The following PRR5 variants were observed in gnomAD, a reference collection of about 807,000 sequenced individuals.
PRR5 encodes the protein proline rich 5.
A neutral mutation model predicts 30.6 loss-of-function variants in PRR5; 25 were observed. The observed-to-expected ratio is 0.82, with a 90% CI of 0.60 to 1.14. The LOEUF is 1.14. Among genes scored for constraint, PRR5 ranks in the 50% most tolerant of loss-of-function variants. The pLI is 0.00. For synonymous variants in PRR5, 286 were observed against 247.1 expected (o/e 1.16, Z -1.48); for missense variants, 600 against 547.1 (o/e 1.10, Z -0.96).
intron 1 of PRR5, among the ~76,000 whole-genome samples, chr22:44,704,617 A>G (rs1926894994): frequency 6.6e-6 from 1 of 151,802 alleles, no homozygotes; most frequent in Admixed American, 6.6e-5. Flanking sequence ...GGGCACGGCC[A>G]TTTCCTGCAC....
intron 1 of PRR5, chr22:44,679,910 A>C (rs188947780): frequency 0.012 from 19,007 of 1,556,478 alleles, 134 homozygotes; most frequent in Non-Finnish European, 0.013. Flanking sequence ...AAGGGTGGCT[A>C]CGAGGGAGGC....
rs759768271 is a variant in PRR5, at chr22:44,737,145, C to G, written c.1065C>G (p.Ser355=). The G allele has an allele frequency of 5.0e-6, 8 of 1,612,696 alleles. No homozygotes were observed. Among genetic ancestry groups the G allele is most frequent in the Admixed American group, 1.7e-5 (1 of 60,030 alleles). ...PENLVDQILE[S]VDSDSEGIFI... ...ACCTGGTGGACCAGATCCTGGAGTC[C>G]GTGGACTCGGATTCTGAAGGGATTT... is the stretch of plus-strand genomic sequence containing the variant. The change falls in exon 8 of 8, where the codon TCC becomes TCG. Residue 355 remains serine (S), a synonymous_variant. Transcript: ENST00000336985.
chr22:44,678,385 C>T (rs1923961623), intron 1 of PRR5, among the ~76,000 whole-genome samples: 1 of 148,432 alleles, frequency 6.7e-6, no homozygotes, highest in Non-Finnish European at 1.5e-5. Context: ...TGCGATGGCG[C>T]AATCTCGGCT....
chr22:44,726,770 A>G lies in PRR5; in HGVS notation c.322+136A>G. 4 of 1,354,242 alleles carry G rather than the reference A, an allele frequency of 3.0e-6. No homozygotes were observed. The African/African-American group carries it at 5.8e-5, about 20-fold the overall frequency. 83.9% of individuals were successfully genotyped at this position (1,354,242 alleles called of 1,614,324 possible). A position where few individuals can be genotyped will look rare whatever the true frequency, so the allele number is the denominator to read the frequency against. On this transcript the variant is annotated intron_variant, in intron 4 of 7. Transcript: ENST00000336985. ...TCCGGAGGGCTTGGAAGGAACACGT[A>G]TAGCCTTAGGGCAGCAGGGCCGAGA...
intron 1 of PRR5, among the ~76,000 whole-genome samples, chr22:44,695,391 C>T (rs1173637975): frequency 6.6e-6 from 1 of 152,172 alleles, no homozygotes; most frequent in East Asian, 1.9e-4. Flanking sequence ...ACAAGGGTGG[C>T]ACCAGCCCGA....
Position 44,737,510 on chromosome 22 carries a change from A to C in PRR5, c.*263A>C. On this transcript the variant is annotated 3_prime_UTR_variant, in exon 8 of 8. Transcript: ENST00000336985. ...AGACGGGGGTCGGCCGCTCGCTCCCACGCTCCTCCTGCCCCAGCCCTCTGG... is the reference window on the plus strand; with the variant it reads ...AGACGGGGGTCGGCCGCTCGCTCCCCCGCTCCTCCTGCCCCAGCCCTCTGG... The C allele has an allele frequency of 3.7e-6, 2 of 533,394 alleles. No homozygotes were observed. The highest frequency in any genetic ancestry group is 5.6e-4 in the Middle Eastern group (1 of 1,776). 33.0% of individuals were successfully genotyped at this position (533,394 alleles called of 1,614,324 possible).
intron 6 of PRR5, among the ~76,000 whole-genome samples, chr22:44,733,316 A>G (rs1922581650): frequency 6.6e-6 from 1 of 152,206 alleles, no homozygotes; most frequent in Admixed American, 6.5e-5. Flanking sequence ...CGGCCACCCC[A>G]TTTTACAGGT....
chr22:44,707,396 G>T (rs1927396015), intron 1 of PRR5, among the ~76,000 whole-genome samples: 1 of 152,196 alleles, frequency 6.6e-6, no homozygotes. Context: ...CCCAGGGCAT[G>T]AGGGTGCCCT....
At chr22:44,709,845 C>G (rs1229306266) in intron 1 of PRR5, among the ~76,000 whole-genome samples, 1 of 151,640 alleles carries the variant, frequency 6.6e-6, no homozygotes, top group Non-Finnish European at 1.5e-5. Context: ...GAACGAGACT[C>G]CATCTCAAAA....
chr22:44,713,478 C>G (rs1038426328), intron 1 of PRR5, among the ~76,000 whole-genome samples: 2 of 152,204 alleles, frequency 1.3e-5, no homozygotes, highest in Admixed American at 6.5e-5. Flanking sequence ...GGTGATCCAC[C>G]CATCTTGGCC....
rs761879773 is a variant in PRR5, at chr22:44,736,890, C to T, written c.810C>T (p.Gly270=). 23 of 1,609,040 alleles carry T rather than the reference C, an allele frequency of 1.4e-5. No individual in the cohort carries two copies. Among genetic ancestry groups the T allele is most frequent in the African/African-American group, 5.3e-5 (4 of 74,908 alleles). The change falls in exon 8 of 8, where the codon GGC becomes GGT. Residue 270 remains glycine, a synonymous_variant. Coordinates refer to ENST00000336985, the MANE Select transcript of PRR5 (RefSeq NM_181333.4). The stretch of plus-strand genomic sequence containing the variant: ...CCGTGCAGGAGCACGAGGCGGAGGG[C>T]GCGGCGGCCGGCGGTACCAGCATCC... ...LNPVQEHEAE[G]AAAGGTSIRR...
chr22:44,702,492 G>A lies in PRR5; in HGVS notation c.18G>A (p.Arg6=). ...GGGTCACCATGAGGACTCTCCGCAG[G>A]TTGAAGTTCATGAGTTCGCCCAGCC... MRTLR[R]LKFMSSPSLS... is the part of the protein sequence containing the mutation. The change falls in exon 1 of 8, where the codon AGG becomes AGA. Residue 6 remains arginine (R), a synonymous_variant. Transcript: ENST00000336985. 4.1e-6 allele frequency: 6 copies of A among 1,466,212 alleles called. No homozygotes were observed. Among genetic ancestry groups the A allele is most frequent in the Non-Finnish European group, 5.4e-6 (6 of 1,106,582 alleles). 90.8% of individuals were successfully genotyped at this position (1,466,212 alleles called of 1,614,324 possible). A position where few individuals can be genotyped will look rare whatever the true frequency, so the allele number is the denominator to read the frequency against.
chr22:44,729,731 C>T lies in PRR5; in HGVS notation c.323-1999C>T, dbSNP rs886104790. ...CGCGAGGCTGCCCTTCCTGGCCTCT[C>T]GTCACCGTGTGGCTCCAGCTGGGGC... is the stretch of plus-strand genomic sequence containing the variant. On this transcript the variant is annotated intron_variant, in intron 4 of 7. Transcript: ENST00000336985. 7 of 985,466 alleles carry T rather than the reference C, an allele frequency of 7.1e-6. No individual in the cohort carries two copies. The East Asian group carries it at 6.8e-4, about 96-fold the overall frequency. The allele number at this position is 985,466 out of a possible 1,614,324, so 61.0% of individuals were successfully genotyped here.
chr22:44,699,261 C>T (rs1926043108), upstream of PRR5, among the ~76,000 whole-genome samples: 1 of 152,202 alleles, frequency 6.6e-6, no homozygotes, highest in Admixed American at 6.5e-5. Context: ...ATTTCTTATC[C>T]CAAGCAGTCA....
At position 44,737,221 on chromosome 22, in the gene PRR5, T is replaced by C. The variant is rs1484890820; in HGVS notation, c.1141T>C (p.Ser381Pro). The change falls in exon 8 of 8, where the codon TCT becomes CCT. Residue 381 changes from serine (S) to proline (P), a missense_variant. By Grantham distance (74) the Ser-to-Pro change is moderately conservative. Coordinates refer to ENST00000336985, the MANE Select transcript of PRR5 (RefSeq NM_181333.4). ...RGSGMSDLEGSGGRQSVV is the reference protein window; with the variant it reads ...RGSGMSDLEGPGGRQSVV ...CTCTGGCATGTCCGACTTGGAGGGCTCTGGGGGCCGGCAGAGTGTCGTGTG... is the reference window on the plus strand; with the variant it reads ...CTCTGGCATGTCCGACTTGGAGGGCCCTGGGGGCCGGCAGAGTGTCGTGTG... 8 of 1,605,596 alleles carry C rather than the reference T, an allele frequency of 5.0e-6. No homozygotes were observed. The South Asian group carries it at 6.6e-5, about 13-fold the overall frequency.
At chr22:44,706,474 G>A (rs1602005652) in intron 1 of PRR5, among the ~76,000 whole-genome samples, 1 of 152,198 alleles carries the variant, frequency 6.6e-6, no homozygotes, top group Middle Eastern at 3.4e-3. Context: ...ATTTCGCTGG[G>A]GTCTGCCTTC....
chr22:44,680,107 A>G (rs558425668), intron 1 of PRR5, among the ~76,000 whole-genome samples: 125 of 152,292 alleles, frequency 8.2e-4, no homozygotes, highest in African/African-American at 3.0e-3. Flanking sequence ...TATTCACTCA[A>G]CAAACGTTTC....
upstream of PRR5, among the ~76,000 whole-genome samples, chr22:44,674,280 C>T (rs113246795): frequency 0.028 from 4,283 of 151,802 alleles, 171 homozygotes; most frequent in African/African-American, 0.096. Flanking sequence ...CCAGTGTTTT[C>T]GTTTGTTTTT....
chr22:44,693,729 G>A (rs1043378993), intron 1 of PRR5, among the ~76,000 whole-genome samples: 1 of 137,958 alleles, frequency 7.2e-6, no homozygotes, highest in Non-Finnish European at 1.5e-5. Flanking sequence ...TCAGGTTCAC[G>A]CCATTCTCCT....
Sources: gnomAD v4.1 joint callset for allele counts (sites outside exome capture counted in the v4.1 genomes callset) on GRCh38, gnomAD v4.1.1 for gene constraint, MANE v1.5 for transcripts, NCBI Gene and HGNC (gene_info 2026-07-23, HGNC 2026-07-21) for gene names.